MBD5: variants seen among roughly 807,000 people sequenced by gnomAD.
MBD5 encodes the protein methyl-CpG binding domain protein 5.
In MBD5, 13 loss-of-function variants were observed where a neutral mutation model predicts 117.3. That is an observed-to-expected ratio of 0.11 (90% CI 0.07 to 0.18). MBD5 has a LOEUF of 0.18. MBD5 is among the 10% of genes least tolerant of loss of function. The pLI is 1.00. For missense variants in MBD5, 1,879 were observed against 2,093.8 expected, an observed-to-expected ratio of 0.90 and a Z score of 2.00; for synonymous variants, 727 against 766.4, an observed-to-expected ratio of 0.95 and a Z score of 0.85.
At chr2:148,182,034 TTTC>T (rs1247509535) in intron 2 of MBD5, among the ~76,000 whole-genome samples, 1 of 152,118 alleles carries the variant, frequency 6.6e-6, no homozygotes, top group Non-Finnish European at 1.5e-5. Flanking sequence ...TTTAAACTCC[TTTC>T]TTCTTTCCTA....
At chr2:148,476,590 A>G (rs1433091351) in intron 8 of MBD5, among the ~76,000 whole-genome samples, 1 of 152,174 alleles carries the variant, frequency 6.6e-6, no homozygotes, top group African/African-American at 2.4e-5. Context: ...ATTGTCCTTT[A>G]CATTTCCTTT....
intron 3 of MBD5, among the ~76,000 whole-genome samples, chr2:148,289,309 G>T (rs1378452677): frequency 6.6e-6 from 1 of 152,094 alleles, no homozygotes; most frequent in African/African-American, 2.4e-5. Flanking sequence ...CTTATAATGA[G>T]TTCTTCTTTC....
At chr2:148,440,643 A>G (rs918505423) in intron 4 of MBD5, among the ~76,000 whole-genome samples, 1 of 152,214 alleles carries the variant, frequency 6.6e-6, no homozygotes, top group Non-Finnish European at 1.5e-5. Flanking sequence ...CTTAAAGCAC[A>G]TTGTTTGCAT....
chr2:148,245,435 T>A (rs1193448863), intron 3 of MBD5, among the ~76,000 whole-genome samples: 2 of 151,954 alleles, frequency 1.3e-5, no homozygotes, highest in Non-Finnish European at 2.9e-5. Flanking sequence ...ATATTTTTTT[T>A]AATTAGCTGA....
At chr2:148,387,076 T>C (rs1351995846) in intron 4 of MBD5, among the ~76,000 whole-genome samples, 1 of 152,088 alleles carries the variant, frequency 6.6e-6, no homozygotes, top group Non-Finnish European at 1.5e-5. Context: ...ATCAAACCCT[T>C]AATAGCCAAA....
chr2:148,447,178 G>GGAAAGAAAGGAAGAAA, intron 4 of MBD5, among the ~76,000 whole-genome samples: 1 of 137,756 alleles, frequency 7.3e-6, no homozygotes, highest in African/African-American at 2.9e-5. Flanking sequence ...AAAGGAAGAA[G>GGAAAGAAAGGAAGAAA]GAAAGAAAGA....
At chr2:148,216,808 G>A (rs951695547) in intron 2 of MBD5, among the ~76,000 whole-genome samples, 12 of 151,926 alleles carry the variant, frequency 7.9e-5, no homozygotes, top group Non-Finnish European at 1.8e-4. Context: ...TACTTCTTCC[G>A]CTGACCCTCA....
chr2:148,315,922 G>C (rs993321249), intron 3 of MBD5, among the ~76,000 whole-genome samples: 1 of 152,172 alleles, frequency 6.6e-6, no homozygotes, highest in Non-Finnish European at 1.5e-5. Context: ...ACTTCATAAA[G>C]AAAAGTGGTT....
At chr2:148,075,111 A>G (rs1695474480) in intron 1 of MBD5, among the ~76,000 whole-genome samples, 1 of 152,212 alleles carries the variant, frequency 6.6e-6, no homozygotes, top group South Asian at 2.1e-4. Flanking sequence ...TATTGGAAAG[A>G]TGGCTCAGGG....
intron 4 of MBD5, among the ~76,000 whole-genome samples, chr2:148,452,930 T>A (rs538849950): frequency 8.5e-5 from 13 of 152,202 alleles, no homozygotes; most frequent in Non-Finnish European, 1.6e-4. Flanking sequence ...ATTTTAGACA[T>A]GTGTTGCTAA....
chr2:148,066,900 C>T (rs1319198818), intron 1 of MBD5, among the ~76,000 whole-genome samples: 1 of 152,180 alleles, frequency 6.6e-6, no homozygotes, highest in Non-Finnish European at 1.5e-5. Flanking sequence ...GTCAGAAAGA[C>T]TTCTTTTCTC....
intron 4 of MBD5, among the ~76,000 whole-genome samples, chr2:148,355,594 G>T (rs1416735130): frequency 6.6e-6 from 1 of 152,054 alleles, no homozygotes; most frequent in Non-Finnish European, 1.5e-5. Flanking sequence ...GGTTGTAGAT[G>T]TGTGATATTA....
intron 12 of MBD5, among the ~76,000 whole-genome samples, chr2:148,509,649 A>G (rs2105275286): frequency 6.6e-6 from 1 of 152,302 alleles, no homozygotes; most frequent in South Asian, 2.1e-4. Flanking sequence ...CCTGCAGTTC[A>G]GCCCCTCCGC....
At chr2:148,437,163 A>T (rs974079032) in intron 4 of MBD5, among the ~76,000 whole-genome samples, 3 of 151,444 alleles carry the variant, frequency 2.0e-5, no homozygotes, top group Non-Finnish European at 4.4e-5. Context: ...TTGTATTTTT[A>T]GTAGAGATGG....
At chr2:148,067,879 C>A (rs901778389) in intron 1 of MBD5, among the ~76,000 whole-genome samples, 2 of 152,214 alleles carry the variant, frequency 1.3e-5, no homozygotes, top group East Asian at 1.9e-4. Context: ...TCTTTTAACT[C>A]TAGCTCTGTT....
At chr2:148,354,177 G>A (rs754628959) in intron 4 of MBD5, among the ~76,000 whole-genome samples, 10 of 152,098 alleles carry the variant, frequency 6.6e-5, no homozygotes, top group Non-Finnish European at 1.0e-4. Flanking sequence ...CATGTGCCAT[G>A]GTGGTTTGCT....
intron 3 of MBD5, among the ~76,000 whole-genome samples, chr2:148,288,209 G>T (rs1433566058): frequency 1.4e-5 from 2 of 138,750 alleles, no homozygotes; most frequent in Admixed American, 7.4e-5. Context: ...GACCATCCCG[G>T]CTAAAACGGT....
intron 3 of MBD5, among the ~76,000 whole-genome samples, chr2:148,340,349 A>G (rs1265980770): frequency 2.0e-5 from 3 of 152,124 alleles, no homozygotes; most frequent in African/African-American, 7.2e-5. Flanking sequence ...TTTATTGTTA[A>G]ATTTAGGCTA....
chr2:148,511,920 A>T lies in MBD5; in HGVS notation c.5113-950A>T, dbSNP rs150129585. Reference sequence around the variant, plus strand: ...TATTTTTAAGCATGTAATTGAGCCAACTTGTAGTGGATCCGGAGAGGCGAT... The same window carrying T: ...TATTTTTAAGCATGTAATTGAGCCATCTTGTAGTGGATCCGGAGAGGCGAT... On this transcript the variant is annotated intron_variant, in intron 13 of 13. Coordinates refer to ENST00000642680, the MANE Select transcript of MBD5 (RefSeq NM_001378120.1). 2.0e-3 allele frequency among the ~76,000 whole-genome samples: 300 copies of T among 152,296 alleles called. 1 individual carries two copies. The highest frequency in any genetic ancestry group is 6.7e-3 in the African/African-American group (278 of 41,574).
Sources: gnomAD v4.1 joint callset for allele counts (sites outside exome capture counted in the v4.1 genomes callset) on GRCh38, gnomAD v4.1.1 for gene constraint, MANE v1.5 for transcripts, NCBI Gene and HGNC (gene_info 2026-07-23, HGNC 2026-07-21) for gene names.